CSMD1: variants seen among roughly 807,000 people sequenced by gnomAD.
CSMD1 encodes CUB and sushi domain-containing protein 1.
CSMD1 carries 213 observed loss-of-function variants against 417.5 expected under a neutral mutation model. That is an observed-to-expected ratio of 0.51 (90% CI 0.46 to 0.57). CSMD1 has a LOEUF of 0.57. Ranked by LOEUF, CSMD1 falls within the 20% of genes least tolerant of loss-of-function variation. The pLI is 0.00. For missense variants in CSMD1, 6,923 were observed against 4,529.7 expected (o/e 1.53, Z -15.17); for synonymous variants, 2,862 against 1,736.8 (o/e 1.65, Z -16.11).
chr8:3,040,425 A>G (rs2128983417), intron 50 of CSMD1, among the ~76,000 whole-genome samples: 2 of 146,098 alleles, frequency 1.4e-5, no homozygotes, highest in Admixed American at 1.4e-4. Context: ...ACAGAAATAT[A>G]TATATGTATA....
intron 2 of CSMD1, among the ~76,000 whole-genome samples, chr8:4,530,725 T>A (rs1796769698): frequency 6.6e-6 from 1 of 151,256 alleles, no homozygotes; most frequent in Admixed American, 6.6e-5. Flanking sequence ...TGTGCCACAT[T>A]TTCTTTATCT....
chr8:3,458,150 CT>C (rs1247901796), intron 12 of CSMD1, among the ~76,000 whole-genome samples: 1 of 152,138 alleles, frequency 6.6e-6, no homozygotes, highest in Non-Finnish European at 1.5e-5. Context: ...TCTCAGTTTA[CT>C]TTGACATGTA....
intron 12 of CSMD1, among the ~76,000 whole-genome samples, chr8:3,449,952 C>G (rs117895995): frequency 3.9e-5 from 6 of 152,220 alleles, no homozygotes; most frequent in Admixed American, 6.5e-5. Flanking sequence ...ACTCACACAG[C>G]TTGCCATAAT....
chr8:3,320,034 C>T (rs939937113), intron 23 of CSMD1, among the ~76,000 whole-genome samples: 1 of 152,026 alleles, frequency 6.6e-6, no homozygotes, highest in Non-Finnish European at 1.5e-5. Context: ...GAGTGTCTGG[C>T]CCAGAACCTC....
chr8:4,211,794 A>G (rs1351764331), intron 3 of CSMD1, among the ~76,000 whole-genome samples: 4 of 152,296 alleles, frequency 2.6e-5, no homozygotes, highest in East Asian at 1.9e-4. Context: ...CTGTTTTTAC[A>G]TACTTCTGGA....
chr8:3,816,297 T>C (rs2720736), intron 5 of CSMD1, among the ~76,000 whole-genome samples: 15,903 of 152,236 alleles, frequency 0.1, 1,023 homozygotes, highest in East Asian at 0.26. Flanking sequence ...CCTCATTCTC[T>C]GCAGTTTCCC....
chr8:4,668,366 T>C (rs1357131652), intron 1 of CSMD1, among the ~76,000 whole-genome samples: 1 of 151,302 alleles, frequency 6.6e-6, no homozygotes, highest in Non-Finnish European at 1.5e-5. Flanking sequence ...TGAACCCTCG[T>C]CTCTAGCCAC....
intron 30 of CSMD1, among the ~76,000 whole-genome samples, chr8:3,211,699 G>A (rs1320434623): frequency 6.6e-6 from 1 of 152,194 alleles, no homozygotes; most frequent in African/African-American, 2.4e-5. Context: ...TGGTCACTCT[G>A]CAGGGCGCAC....
At chr8:3,555,593 T>C (rs183248404) in intron 10 of CSMD1, among the ~76,000 whole-genome samples, 41 of 152,376 alleles carry the variant, frequency 2.7e-4, no homozygotes, top group Non-Finnish European at 4.7e-4. Flanking sequence ...GCTCATTTTC[T>C]TTAATTCTAC....
intron 6 of CSMD1, among the ~76,000 whole-genome samples, chr8:3,725,062 G>A (rs1486162794): frequency 6.6e-6 from 1 of 152,212 alleles, no homozygotes; most frequent in African/African-American, 2.4e-5. Flanking sequence ...CTAGAGGAGT[G>A]AGGCAGGAGG....
chr8:3,236,313 A>G (rs540475430), intron 26 of CSMD1, among the ~76,000 whole-genome samples: 1 of 152,236 alleles, frequency 6.6e-6, no homozygotes, highest in African/African-American at 2.4e-5. Context: ...AATTGCCATA[A>G]ACTACTAAGG....
intron 1 of CSMD1, among the ~76,000 whole-genome samples, chr8:4,637,873 T>G (rs928073356): frequency 6.6e-6 from 1 of 151,196 alleles, no homozygotes; most frequent in African/African-American, 2.4e-5. Context: ...GGTTTCACCT[T>G]GTTAGCCAGG....
chr8:4,443,740 A>T (rs1420241172), intron 2 of CSMD1, among the ~76,000 whole-genome samples: 1 of 152,194 alleles, frequency 6.6e-6, no homozygotes, highest in African/African-American at 2.4e-5. Flanking sequence ...CCAAAATATG[A>T]ACAGTTTTAT....
At chr8:3,994,340 T>C (rs1030366493) in intron 5 of CSMD1, among the ~76,000 whole-genome samples, 1 of 151,648 alleles carries the variant, frequency 6.6e-6, no homozygotes, top group Non-Finnish European at 1.5e-5. Flanking sequence ...AACCATCATG[T>C]CTTAATTTAG....
chr8:4,680,766 G>C (rs1279364960), intron 1 of CSMD1, among the ~76,000 whole-genome samples: 2 of 152,054 alleles, frequency 1.3e-5, no homozygotes, highest in Non-Finnish European at 2.9e-5. Flanking sequence ...TTTTAGTAGA[G>C]ACGAGGTTTC....
At chr8:3,283,664 G>A (rs963401754) in intron 26 of CSMD1, among the ~76,000 whole-genome samples, 2 of 152,124 alleles carry the variant, frequency 1.3e-5, no homozygotes, top group African/African-American at 4.8e-5. Flanking sequence ...CTTGGAAGCA[G>A]GTCATGAAAC....
intron 3 of CSMD1, among the ~76,000 whole-genome samples, chr8:4,353,828 C>T (rs1339241750): frequency 1.3e-5 from 2 of 152,178 alleles, no homozygotes; most frequent in Admixed American, 6.5e-5. Context: ...GTGTTCTTCT[C>T]TCCTCAGTGA....
At chr8:4,024,883 A>G (rs577194352) in intron 4 of CSMD1, among the ~76,000 whole-genome samples, 1 of 152,352 alleles carries the variant, frequency 6.6e-6, no homozygotes, top group Admixed American at 6.5e-5. Context: ...TTGCTAAAAC[A>G]AAGTGTTCCA....
chr8:4,678,681 G>A (rs927635505), intron 1 of CSMD1, among the ~76,000 whole-genome samples: 1 of 152,176 alleles, frequency 6.6e-6, no homozygotes, highest in African/African-American at 2.4e-5. Flanking sequence ...TCAACAGAAG[G>A]CATCCAAATA....
Sources: gnomAD v4.1 joint callset for allele counts (sites outside exome capture counted in the v4.1 genomes callset) on GRCh38, gnomAD v4.1.1 for gene constraint, MANE v1.5 for transcripts, NCBI Gene and HGNC (gene_info 2026-07-23, HGNC 2026-07-21) for gene names.